PLD5: variants seen among roughly 807,000 people sequenced by gnomAD.
PLD5 encodes inactive phospholipase D5.
PLD5 carries 36 observed loss-of-function variants against 61.1 expected under a neutral mutation model. The ratio of observed to expected loss-of-function variants is 0.59; its 90% confidence interval spans 0.45 to 0.78. The LOEUF (loss-of-function observed/expected upper bound fraction) is 0.78. Among genes scored for constraint, PLD5 ranks in the 30% least tolerant of loss-of-function variants. PLD5 has a pLI of 0.00. For missense variants in PLD5, 515 were observed against 644.4 expected, an observed-to-expected ratio of 0.80 and a Z score of 2.17; for synonymous variants, 243 against 242.8, an observed-to-expected ratio of 1.00 and a Z score of -0.01.
chr1:242,138,945 T>A (rs1297108134), intron 5 of PLD5, among the ~76,000 whole-genome samples: 1 of 152,180 alleles, frequency 6.6e-6, no homozygotes, highest in African/African-American at 2.4e-5. Flanking sequence ...TATCTCAAAT[T>A]TCCTACTTTT....
At position 242,348,100 on chromosome 1, in the gene PLD5, T is replaced by C; in HGVS notation, c.326+6A>G. On this transcript the variant is annotated splice_donor_region_variant and intron_variant, in intron 2 of 9. Coordinates refer to ENST00000536534, the MANE Select transcript of PLD5 (RefSeq NM_001372062.1). ...TAAAAGAGAATTTTTGTTTGTTACC[T>C]CTTACCGACATTTATTTTGGCAATT... 2 of 1,613,116 alleles carry C rather than the reference T, an allele frequency of 1.2e-6. No individual in the cohort carries two copies. The highest frequency in any genetic ancestry group is 1.7e-6 in the Non-Finnish European group (2 of 1,179,564).
chr1:242,396,842 G>A (rs893932954), intron 1 of PLD5, among the ~76,000 whole-genome samples: 1 of 151,794 alleles, frequency 6.6e-6, no homozygotes, highest in Admixed American at 6.6e-5. Flanking sequence ...ACCAAGCCCA[G>A]CTAATTTTTG....
At chr1:242,520,352 A>G (rs1179229351) in intron 1 of PLD5, among the ~76,000 whole-genome samples, 2 of 152,166 alleles carry the variant, frequency 1.3e-5, no homozygotes, top group Non-Finnish European at 2.9e-5. Context: ...AGTCTCTGAC[A>G]TTTGGAGAAT....
At chr1:242,285,841 C>T (rs1170897751) in intron 3 of PLD5, among the ~76,000 whole-genome samples, 1 of 152,246 alleles carries the variant, frequency 6.6e-6, no homozygotes, top group East Asian at 1.9e-4. Flanking sequence ...GGCACAGTGG[C>T]TCACACCTAT....
intron 4 of PLD5, among the ~76,000 whole-genome samples, chr1:242,254,533 T>C (rs2840618): frequency 2.0e-5 from 3 of 151,948 alleles, no homozygotes; most frequent in Admixed American, 2.0e-4. Context: ...AGCCAGGCAT[T>C]GTGGTGGGCA....
Position 242,260,346 on chromosome 1 carries a change from C to CAAA in PLD5, c.607+4988_607+4990dup, listed in dbSNP as rs58683643. Among the ~76,000 whole-genome samples the CAAA allele has an allele frequency of 1.7e-5, 2 of 120,366 alleles. 1 individual carries two copies. Among genetic ancestry groups the CAAA allele is most frequent in the Non-Finnish European group, 3.4e-5 (2 of 57,986 alleles). The allele number at this position is 120,366 out of a possible 152,430, so 79.0% of individuals were successfully genotyped here. ...TGGGTGACAGAGTGAGACTCCGTCTCAAAAAAAAAAAAAAAGAATTGTCAC... is the reference window on the plus strand; with the variant it reads ...TGGGTGACAGAGTGAGACTCCGTCTCAAAAAAAAAAAAAAAAAAGAATTGTCAC... On this transcript the variant is annotated intron_variant, in intron 4 of 9. Coordinates refer to ENST00000536534, the MANE Select transcript of PLD5 (RefSeq NM_001372062.1).
intron 1 of PLD5, among the ~76,000 whole-genome samples, chr1:242,451,259 T>C (rs754505962): frequency 1.3e-5 from 2 of 152,246 alleles, no homozygotes; most frequent in African/African-American, 2.4e-5. Context: ...CTTTCCTCCT[T>C]CAGAAAGAGT....
intron 2 of PLD5, among the ~76,000 whole-genome samples, chr1:242,335,562 C>T (rs900984474): frequency 2.0e-5 from 3 of 152,088 alleles, no homozygotes; most frequent in Non-Finnish European, 4.4e-5. Flanking sequence ...CTGAGAATTG[C>T]GTGGTAAAAA....
chr1:242,492,900 T>C (rs189006489), intron 1 of PLD5, among the ~76,000 whole-genome samples: 8 of 152,262 alleles, frequency 5.3e-5, no homozygotes, highest in Admixed American at 3.9e-4. Context: ...GCCACCCTCA[T>C]GACCTAATCA....
At chr1:242,377,075 G>T in intron 1 of PLD5, 2 of 1,611,724 alleles carry the variant, frequency 1.2e-6, no homozygotes, top group South Asian at 2.2e-5. Flanking sequence ...CATCCTCGTG[G>T]CTGGGTTTGT....
intron 5 of PLD5, among the ~76,000 whole-genome samples, chr1:242,156,710 C>A (rs1437361580): frequency 6.6e-6 from 1 of 152,156 alleles, no homozygotes; most frequent in Non-Finnish European, 1.5e-5. Context: ...AGGGTTTCTG[C>A]AGAGAGATAT....
intron 1 of PLD5, among the ~76,000 whole-genome samples, chr1:242,398,067 C>A (rs1663700702): frequency 6.6e-6 from 1 of 152,090 alleles, no homozygotes; most frequent in Non-Finnish European, 1.5e-5. Flanking sequence ...CTATTAATTG[C>A]AGAAAGCAAA....
At chr1:242,180,200 A>G (rs10926640) in intron 5 of PLD5, among the ~76,000 whole-genome samples, 20,082 of 152,058 alleles carry the variant, frequency 0.13, 1,576 homozygotes, top group Non-Finnish European at 0.17. Context: ...TGAGATGTGG[A>G]TATTCCTATA....
intron 1 of PLD5, among the ~76,000 whole-genome samples, chr1:242,462,512 G>A (rs922546904): frequency 1.3e-5 from 2 of 151,526 alleles, no homozygotes; most frequent in African/African-American, 4.9e-5. Flanking sequence ...AACTACTTAT[G>A]CTCACCGCCT....
chr1:242,432,308 A>G (rs1665762986), intron 1 of PLD5, among the ~76,000 whole-genome samples: 4 of 152,230 alleles, frequency 2.6e-5, no homozygotes, highest in Admixed American at 2.0e-4. Context: ...ACTACCAAGG[A>G]TAAAATATTA....
chr1:242,139,421 T>C (rs1663995418), intron 5 of PLD5, among the ~76,000 whole-genome samples: 1 of 152,142 alleles, frequency 6.6e-6, no homozygotes, highest in African/African-American at 2.4e-5. Flanking sequence ...TCACACCCCA[T>C]GGCAGCGTCT....
chr1:242,190,215 T>C (rs1574482649), intron 5 of PLD5, among the ~76,000 whole-genome samples: 1 of 146,702 alleles, frequency 6.8e-6, no homozygotes, highest in East Asian at 2.2e-4. Context: ...GCAGGATCTC[T>C]GCTCACCGCA....
chr1:242,333,068 G>C (rs1482422318), intron 2 of PLD5, among the ~76,000 whole-genome samples: 1 of 152,166 alleles, frequency 6.6e-6, no homozygotes, highest in Non-Finnish European at 1.5e-5. Flanking sequence ...GGCTGGGAGA[G>C]CTTGGTGCTT....
intron 1 of PLD5, among the ~76,000 whole-genome samples, chr1:242,470,297 G>C (rs540000444): frequency 2.0e-5 from 3 of 150,754 alleles, no homozygotes; most frequent in Non-Finnish European, 2.9e-5. Context: ...AGCCGAGATC[G>C]CACCACTGCA....
Sources: gnomAD v4.1 joint callset for allele counts (sites outside exome capture counted in the v4.1 genomes callset) on GRCh38, gnomAD v4.1.1 for gene constraint, MANE v1.5 for transcripts, NCBI Gene and HGNC (gene_info 2026-07-23, HGNC 2026-07-21) for gene names.